The following MPDZ variants were observed in gnomAD, a reference collection of about 807,000 sequenced individuals.
MPDZ encodes the protein multiple PDZ domain crumbs cell polarity complex component.
A neutral mutation model predicts 239.1 loss-of-function variants in MPDZ; 234 were observed. The ratio of observed to expected loss-of-function variants is 0.98; its 90% CI spans 0.88 to 1.09. The LOEUF is 1.09. Among genes scored for constraint, MPDZ ranks in the 50% least tolerant of loss-of-function variants. The pLI is 0.00. For missense variants in MPDZ, 3,175 were observed against 2,510.0 expected, an observed-to-expected ratio of 1.26 and a Z score of -5.66; for synonymous variants, 1,048 against 881.3, an observed-to-expected ratio of 1.19 and a Z score of -3.35.
At chr9:13,197,146 T>A (rs1955749563) in intron 12 of MPDZ, among the ~76,000 whole-genome samples, 2 of 139,852 alleles carry the variant, frequency 1.4e-5, no homozygotes, top group Admixed American at 1.5e-4. Flanking sequence ...CTTAAAAGAC[T>A]GTAAACAATA....
intron 1 of MPDZ, among the ~76,000 whole-genome samples, chr9:13,275,131 T>C: frequency 6.6e-6 from 1 of 152,208 alleles, no homozygotes; most frequent in South Asian, 2.1e-4. Context: ...GCTCACTGCC[T>C]CAGAGTCTCA....
At chr9:13,197,265 T>C (rs1305037608) in intron 12 of MPDZ, among the ~76,000 whole-genome samples, 1 of 151,930 alleles carries the variant, frequency 6.6e-6, no homozygotes, top group African/African-American at 2.4e-5. Flanking sequence ...AAAGCACAGC[T>C]AGATAGAAGA....
intron 18 of MPDZ, among the ~76,000 whole-genome samples, chr9:13,184,649 A>G (rs368468973): frequency 1.3e-5 from 2 of 152,110 alleles, no homozygotes; most frequent in South Asian, 4.1e-4. Context: ...ATAACATACA[A>G]CAATCTAGAT....
intron 32 of MPDZ, among the ~76,000 whole-genome samples, chr9:13,130,500 G>A (rs959698680): frequency 1.3e-5 from 2 of 152,092 alleles, no homozygotes; most frequent in African/African-American, 4.8e-5. Flanking sequence ...GGAAAAAAAA[G>A]TGAGAATTTC....
At chr9:13,181,639 G>T in intron 19 of MPDZ, among the ~76,000 whole-genome samples, 1 of 152,126 alleles carries the variant, frequency 6.6e-6, no homozygotes, top group Admixed American at 6.6e-5. Context: ...AGAGTAAACT[G>T]CTTGGGGAAA....
chr9:13,274,986 A>C (rs1036542605), intron 1 of MPDZ, among the ~76,000 whole-genome samples: 11 of 152,238 alleles, frequency 7.2e-5, no homozygotes, highest in Admixed American at 2.0e-4. Context: ...TTTCCCAATG[A>C]ACATCCAGAG....
intron 32 of MPDZ, among the ~76,000 whole-genome samples, chr9:13,131,190 A>G (rs1360891712): frequency 6.6e-6 from 1 of 152,170 alleles, no homozygotes; most frequent in African/African-American, 2.4e-5. Flanking sequence ...TTACTCCCAG[A>G]GCCATGTAAT....
chr9:13,224,696 T>A, intron 3 of MPDZ, 113 bp from the exon 4 acceptor site: 1 of 708,864 alleles, frequency 1.4e-6, no homozygotes, highest in Non-Finnish European at 2.3e-6. Context: ...TCCAAATCCT[T>A]TAATCCAGCA....
At chr9:13,276,280 T>A (rs1486824890) in intron 1 of MPDZ, among the ~76,000 whole-genome samples, 1 of 152,196 alleles carries the variant, frequency 6.6e-6, no homozygotes, top group East Asian at 1.9e-4. Context: ...GTTTCCTTTA[T>A]CGAGAAGTAG....
At chr9:13,107,135 T>C in intron 46 of MPDZ, 24 bp from the exon 47 acceptor site, 2 of 1,533,776 alleles carry the variant, frequency 1.3e-6, no homozygotes, top group Non-Finnish European at 1.8e-6. Flanking sequence ...AGTAGACTTG[T>C]TTATTTCTCA....
In MPDZ at chr9:13,109,785, A is replaced by G. The variant is rs192973262; in HGVS notation, c.5942+167T>C. The stretch of plus-strand genomic sequence containing the variant: ...ATCTTTGATCAGCTAAATCCATGCC[A>G]CAATTATTTAAGTTTAGAAGCACCT... On this transcript the variant is annotated intron_variant, in intron 45 of 46. Coordinates refer to ENST00000319217, the MANE Select transcript of MPDZ (RefSeq NM_001378778.1). Among the ~76,000 whole-genome samples, 61 of 152,312 alleles carry G rather than the reference A, an allele frequency of 4.0e-4. 1 individual carries two copies. The highest frequency in any genetic ancestry group is 1.4e-3 in the African/African-American group (60 of 41,566).
chr9:13,206,220 C>T (rs1388838477), intron 10 of MPDZ, 121 bp from the exon 11 acceptor site: 1 of 919,856 alleles, frequency 1.1e-6, no homozygotes. Flanking sequence ...AAGTATTCAC[C>T]TTATCAGGGA....
At chr9:13,195,481 T>C (rs1308037809) in intron 13 of MPDZ, among the ~76,000 whole-genome samples, 1 of 152,114 alleles carries the variant, frequency 6.6e-6, no homozygotes, top group Non-Finnish European at 1.5e-5. Flanking sequence ...CCTAACATAC[T>C]ATTTTATTTT....
At chr9:13,271,235 T>C (rs1972886096) in intron 1 of MPDZ, among the ~76,000 whole-genome samples, 1 of 152,230 alleles carries the variant, frequency 6.6e-6, no homozygotes, top group Non-Finnish European at 1.5e-5. Context: ...TTCTATGTTA[T>C]GTTTATCAAA....
chr9:13,270,958 T>C (rs1475571727), intron 1 of MPDZ, among the ~76,000 whole-genome samples: 1 of 152,102 alleles, frequency 6.6e-6, no homozygotes, highest in Non-Finnish European at 1.5e-5. Flanking sequence ...ACAGAAAACA[T>C]GCAAGTGGGT....
intron 31 of MPDZ, 170 bp downstream of exon 31, chr9:13,135,922 C>T (rs1946670965): frequency 3.8e-6 from 2 of 520,360 alleles, no homozygotes; most frequent in African/African-American, 2.0e-5. Context: ...AAGTGGTATG[C>T]TTATTTCCAT....
At chr9:13,145,327 C>G (rs773937880) in intron 26 of MPDZ, among the ~76,000 whole-genome samples, 5 of 151,924 alleles carry the variant, frequency 3.3e-5, no homozygotes, top group Non-Finnish European at 7.4e-5. Context: ...AAATGGGGCC[C>G]CCCTTTCAGT....
rs899754476 is a variant in MPDZ at position 13,106,151 on chromosome 9, C to T, written c.*814G>A. The T allele has an allele frequency of 6.6e-6, 1 of 152,060 alleles. No individual in the cohort carries two copies. The highest frequency in any genetic ancestry group is 1.9e-4 in the East Asian group (1 of 5,174). 9.4% of individuals were successfully genotyped at this position (152,060 alleles called of 1,614,324 possible). Reference sequence around the variant, plus strand: ...AAACCAGCACTAAAGATTCTGGAACCCTTCTATGTTCCTCTATGGTTAGCA... The same window carrying T: ...AAACCAGCACTAAAGATTCTGGAACTCTTCTATGTTCCTCTATGGTTAGCA... On this transcript the variant is annotated 3_prime_UTR_variant, in exon 47 of 47. Transcript: ENST00000319217.
At chr9:13,218,178 GTTTGA>G (rs955843839) in intron 8 of MPDZ, among the ~76,000 whole-genome samples, 3 of 151,760 alleles carry the variant, frequency 2.0e-5, no homozygotes, top group Non-Finnish European at 4.4e-5. Flanking sequence ...TTACAGTAAA[GTTTGA>G]TTTATTTTTT....
Sources: allele counts gnomAD v4.1 joint callset (sites outside exome capture counted in the v4.1 genomes callset), GRCh38; gene constraint gnomAD v4.1.1; transcripts MANE v1.5; gene names NCBI Gene and HGNC (gene_info 2026-07-23, HGNC 2026-07-21).